Variants in MYO16 observed in about 807,000 individuals in gnomAD.
The protein encoded by MYO16 is unconventional myosin-XVI.
Under a neutral mutation model 205.3 loss-of-function variants are expected in MYO16, and 94 were observed. The observed-to-expected ratio is 0.46, with a 90% CI of 0.39 to 0.54. The LOEUF is 0.54. MYO16 is among the 20% of genes least tolerant of loss of function. The pLI is 0.00. For synonymous variants in MYO16, 988 were observed against 954.0 expected (o/e 1.04, Z -0.66); for missense variants, 2,315 against 2,387.5 (o/e 0.97, Z 0.63).
chr13:108,961,593 C>A lies in MYO16; in HGVS notation c.2092C>A (p.Arg698=). Residue 698 remains arginine (R), a synonymous_variant, in exon 18 of 35, where the codon CGG becomes AGG. Coordinates refer to ENST00000457511, the MANE Select transcript of MYO16 (RefSeq NM_001198950.3). ...LAAILHLGDI[R]FTALNEGNSA... Reference sequence around the variant, plus strand: ...AGCAATATTGCACCTTGGAGACATTCGGTTTACTGCCCTGAATGAGGGGAA... The same window carrying A: ...AGCAATATTGCACCTTGGAGACATTAGGTTTACTGCCCTGAATGAGGGGAA... 6.2e-7 allele frequency: 1 copy of A among 1,614,130 alleles called. No individual in the cohort carries two copies. Among genetic ancestry groups the A allele is most frequent in the Non-Finnish European group, 8.5e-7 (1 of 1,179,984 alleles).
chr13:108,643,513 T>C (rs906265557), intron 1 of MYO16, among the ~76,000 whole-genome samples: 5 of 152,246 alleles, frequency 3.3e-5, no homozygotes, highest in Non-Finnish European at 5.9e-5. Flanking sequence ...CTTTAGTAAA[T>C]GTTCAAGAGT....
At chr13:108,640,170 G>A (rs956430251) in intron 1 of MYO16, among the ~76,000 whole-genome samples, 6 of 152,170 alleles carry the variant, frequency 3.9e-5, no homozygotes, top group Admixed American at 2.6e-4. Flanking sequence ...TTTTAGAAGG[G>A]CAGATAAAGG....
At chr13:109,160,420 C>T (rs181851835) in intron 32 of MYO16, among the ~76,000 whole-genome samples, 1 of 152,242 alleles carries the variant, frequency 6.6e-6, no homozygotes, top group Non-Finnish European at 1.5e-5. Context: ...TGAGTCAGAT[C>T]CTGATGTGAT....
chr13:108,849,442 C>G (rs1343254050), intron 10 of MYO16, among the ~76,000 whole-genome samples: 1 of 151,960 alleles, frequency 6.6e-6, no homozygotes, highest in Non-Finnish European at 1.5e-5. Context: ...CTGCCTGCCT[C>G]TGCCTCCCAA....
chr13:108,707,540 C>A (rs1883558698), intron 2 of MYO16, among the ~76,000 whole-genome samples: 1 of 152,156 alleles, frequency 6.6e-6, no homozygotes, highest in Admixed American at 6.5e-5. Context: ...TGAGCTCACC[C>A]TGATTATTCC....
At chr13:108,771,926 T>C (rs1330433991) in intron 4 of MYO16, among the ~76,000 whole-genome samples, 1 of 152,240 alleles carries the variant, frequency 6.6e-6, no homozygotes, top group Non-Finnish European at 1.5e-5. Context: ...CTTCTAAGTT[T>C]TGGCAGTTAT....
chr13:108,680,760 T>G (rs975204111), intron 2 of MYO16, among the ~76,000 whole-genome samples: 2 of 152,176 alleles, frequency 1.3e-5, no homozygotes, highest in Non-Finnish European at 2.9e-5. Flanking sequence ...GGACCCCCAG[T>G]GGATCCAGCC....
chr13:109,049,248 G>A (rs879570903), intron 24 of MYO16, among the ~76,000 whole-genome samples: 23 of 152,166 alleles, frequency 1.5e-4, no homozygotes, highest in Non-Finnish European at 2.2e-4. Context: ...TTTGTGGTCA[G>A]TGACTCCTTG....
In MYO16 at chr13:108,888,707, G is replaced by A. The variant is rs182715600; in HGVS notation, c.1659+230G>A. On this transcript the variant is annotated intron_variant, in intron 14 of 34. Coordinates refer to ENST00000457511, the MANE Select transcript of MYO16 (RefSeq NM_001198950.3). ...CATACTTTCTTTTTGTATTTGCTCC[G>A]AATAGTTGGATCTAAAACACGTAAT... Among the ~76,000 whole-genome samples, 18 of 152,032 alleles carry A rather than the reference G, an allele frequency of 1.2e-4. No homozygotes were observed. In the East Asian group the frequency reaches 2.3e-3, roughly 20 times the overall value.
intron 23 of MYO16, among the ~76,000 whole-genome samples, chr13:109,031,543 TA>T (rs1254326896): frequency 1.3e-5 from 2 of 152,194 alleles, no homozygotes; most frequent in Non-Finnish European, 2.9e-5. Context: ...TGATACCTTT[TA>T]AACATTTCTG....
At chr13:108,528,616 C>T in the MYO16 span, among the ~76,000 whole-genome samples, 2 of 5,684 alleles carry the variant, frequency 3.5e-4, no homozygotes, top group Non-Finnish European at 7.3e-4. Flanking sequence ...CTCTCCTCCC[C>T]TCCCCTCTCC....
intron 16 of MYO16, among the ~76,000 whole-genome samples, chr13:108,945,785 T>C (rs892567157): frequency 6.6e-6 from 1 of 152,182 alleles, no homozygotes; most frequent in Non-Finnish European, 1.5e-5. Context: ...GTTTTTGTGG[T>C]TGAAAAAAAA....
intron 20 of MYO16, among the ~76,000 whole-genome samples, chr13:108,989,568 TATAA>T (rs554212662): frequency 2.8e-4 from 43 of 152,308 alleles, no homozygotes; most frequent in Middle Eastern, 3.4e-3. Context: ...TAGTGTGGGA[TATAA>T]ATAAATGTTT....
At chr13:108,570,918 G>A in the MYO16 span, among the ~76,000 whole-genome samples, 1 of 151,854 alleles carries the variant, frequency 6.6e-6, no homozygotes, top group African/African-American at 2.4e-5. Context: ...ACATCTCTTG[G>A]GTCTATTAGG....
intron 33 of MYO16, among the ~76,000 whole-genome samples, chr13:109,173,260 G>A (rs1878991837): frequency 2.0e-5 from 3 of 152,164 alleles, no homozygotes; most frequent in Admixed American, 2.0e-4. Flanking sequence ...TGTGAACAGT[G>A]AAAATACGGA....
intron 24 of MYO16, among the ~76,000 whole-genome samples, chr13:109,049,164 G>A (rs1476368577): frequency 6.8e-6 from 1 of 147,058 alleles, no homozygotes; most frequent in African/African-American, 2.5e-5. Flanking sequence ...GAAAGACCTT[G>A]TACAATGATT....
At chr13:108,723,152 T>A (rs1016231391) in intron 3 of MYO16, among the ~76,000 whole-genome samples, 3 of 152,052 alleles carry the variant, frequency 2.0e-5, no homozygotes, top group Non-Finnish European at 4.4e-5. Flanking sequence ...GAACACCCAT[T>A]TTTTTGGTGA....
chr13:109,034,573 A>G (rs1381840508), intron 23 of MYO16, among the ~76,000 whole-genome samples: 3 of 152,110 alleles, frequency 2.0e-5, no homozygotes, highest in Non-Finnish European at 4.4e-5. Context: ...TTTATAAATT[A>G]CTCAGTCTCA....
chr13:109,044,258 A>T (rs1223993611), intron 23 of MYO16, among the ~76,000 whole-genome samples: 1 of 152,148 alleles, frequency 6.6e-6, no homozygotes, highest in Non-Finnish European at 1.5e-5. Flanking sequence ...GAAACTATGG[A>T]TGAATTGAAG....
Sources: allele counts gnomAD v4.1 joint callset (sites outside exome capture counted in the v4.1 genomes callset), GRCh38; gene constraint gnomAD v4.1.1; transcripts MANE v1.5; gene names NCBI Gene and HGNC (gene_info 2026-07-23, HGNC 2026-07-21).